Variants in TRRAP observed in about 807,000 individuals in gnomAD.
The protein encoded by TRRAP is transformation/transcription domain-associated protein.
Under a neutral mutation model 438.8 loss-of-function variants are expected in TRRAP, and 41 were observed. The observed-to-expected ratio is 0.09, with a 90% CI of 0.07 to 0.12. TRRAP has a LOEUF of 0.12. Ranked by LOEUF, TRRAP falls within the 10% of genes least tolerant of loss-of-function variation. The pLI, the probability that TRRAP is intolerant of heterozygous loss-of-function variation, is 1.00. For synonymous variants in TRRAP, 1,994 were observed against 1,962.9 expected (o/e 1.02, Z -0.42); for missense variants, 3,122 against 5,055.1 (o/e 0.62, Z 11.60).
chr7:98,950,730 G>C, intron 38 of TRRAP, 146 bp from the exon 39 acceptor site: 1 of 923,944 alleles, frequency 1.1e-6, no homozygotes, highest in Non-Finnish European at 1.5e-6. Context: ...GTTGCTCTTT[G>C]CATAGGAGTC....
At chr7:98,975,896 C>CT in intron 53 of TRRAP, 2 of 434,560 alleles carry the variant, frequency 4.6e-6, no homozygotes, top group Non-Finnish European at 8.1e-6. Flanking sequence ...CCCTTAAAAA[C>CT]TAAGGACAAA....
intron 19 of TRRAP, among the ~76,000 whole-genome samples, chr7:98,916,108 C>G (rs1011935138): frequency 1.3e-5 from 2 of 152,150 alleles, no homozygotes; most frequent in East Asian, 3.9e-4. Context: ...CTTCCCCTCC[C>G]TCCTCAGCAT....
At chr7:98,971,489 A>G (rs995470028) in intron 52 of TRRAP, among the ~76,000 whole-genome samples, 2 of 152,252 alleles carry the variant, frequency 1.3e-5, no homozygotes, top group Non-Finnish European at 2.9e-5. Context: ...ATGATAGACT[A>G]TGATTCCATT....
In TRRAP at chr7:99,003,611, C is replaced by T. The variant is rs185002556; in HGVS notation, c.10310-579C>T. Reference sequence around the variant, plus strand: ...GACGTTGCCTCAACGGCATTGTTCCCGGAAGGGCCTGTGGGGTTGGGGATG... The same window carrying T: ...GACGTTGCCTCAACGGCATTGTTCCTGGAAGGGCCTGTGGGGTTGGGGATG... On this transcript the variant is annotated intron_variant, in intron 67 of 72. Coordinates refer to ENST00000456197, the MANE Select transcript of TRRAP (RefSeq NM_001375524.1). 1.4e-3 allele frequency among the ~76,000 whole-genome samples: 215 copies of T among 152,292 alleles called. 1 individual carries two copies. The highest frequency in any genetic ancestry group is 4.9e-3 in the African/African-American group (205 of 41,570).
chr7:99,004,319 G>A lies in TRRAP; in HGVS notation c.10439G>A (p.Arg3480Gln), dbSNP rs1159588907. The change falls in exon 68 of 73, where the codon CGG (arginine) becomes CAG (glutamine). Residue 3480 changes from arginine (R) to glutamine (Q), a missense_variant. Physicochemically the swap from Arg to Gln is conservative, Grantham distance 43 (BLOSUM62 1). Around this residue, in one of 24 missense-constraint regions of TRRAP, gnomAD observed 107 missense variants for 327.5 expected, o/e 0.33. Transcript: ENST00000456197. Reference protein sequence around the residue: ...PKFFLIEEKCRFLSNFSAQTA... With the variant: ...PKFFLIEEKCQFLSNFSAQTA... The stretch of plus-strand genomic sequence containing the variant: ...TTCTTCCTCATAGAGGAAAAGTGCC[G>A]GTTCTTGAGCAATTTCTCGGCACAG... The A allele has an allele frequency of 6.2e-7, 1 of 1,614,100 alleles. No individual in the cohort carries two copies. The highest frequency in any genetic ancestry group is 1.3e-5 in the African/African-American group (1 of 74,924).
intron 51 of TRRAP, 140 bp downstream of exon 51, chr7:98,967,838 A>G (rs1792225215): frequency 1.3e-6 from 1 of 773,278 alleles, no homozygotes. Context: ...CTCCAGGAAG[A>G]AAATAAAGAC....
At chr7:99,002,336 T>A (rs1044590677) in intron 67 of TRRAP, among the ~76,000 whole-genome samples, 5 of 152,264 alleles carry the variant, frequency 3.3e-5, no homozygotes, top group Admixed American at 6.5e-5. Flanking sequence ...CTCTTTGGAC[T>A]GTGCCAATGT....
At chr7:98,953,539 C>A in intron 40 of TRRAP, 106 bp downstream of exon 40, 1 of 1,447,450 alleles carries the variant, frequency 6.9e-7, no homozygotes, top group Non-Finnish European at 9.2e-7. Context: ...CTCCCAAAAC[C>A]AATAAAAACC....
chr7:98,996,994 A>G (rs144777963), intron 67 of TRRAP, among the ~76,000 whole-genome samples: 92 of 152,182 alleles, frequency 6.0e-4, no homozygotes, highest in Non-Finnish European at 1.0e-3. Context: ...TCAATTTTCA[A>G]TGACAAAGTA....
At chr7:98,892,249 T>A (rs1554405023) in intron 4 of TRRAP, among the ~76,000 whole-genome samples, 175 bp from the exon 5 acceptor site, 1 of 152,208 alleles carries the variant, frequency 6.6e-6, no homozygotes, top group East Asian at 1.9e-4. Flanking sequence ...TTACTTTGGG[T>A]TACATTTAAG....
intron 6 of TRRAP, 86 bp downstream of exon 6, chr7:98,893,967 G>T: frequency 8.2e-7 from 1 of 1,224,476 alleles, no homozygotes; most frequent in Non-Finnish European, 1.2e-6. Flanking sequence ...AAAGTTGGCT[G>T]AACACATACT....
rs1488273336 is a variant in TRRAP at position 98,931,391 on chromosome 7, T to A, written c.3592-14T>A. 1 of 1,611,314 alleles carries A rather than the reference T, an allele frequency of 6.2e-7. No homozygotes were observed. Among genetic ancestry groups the A allele is most frequent in the Non-Finnish European group, 8.5e-7 (1 of 1,178,924 alleles). On this transcript the variant is annotated splice_polypyrimidine_tract_variant and intron_variant, in intron 25 of 72. Coordinates refer to ENST00000456197, the MANE Select transcript of TRRAP (RefSeq NM_001375524.1). ...ATCGCCCTGCTTTCATTCTAAGACA[T>A]CCCTGACTTGCAGGTTTCCAATGGG...
intron 52 of TRRAP, among the ~76,000 whole-genome samples, chr7:98,971,485 G>T (rs898096563): frequency 4.6e-5 from 7 of 152,212 alleles, no homozygotes; most frequent in Non-Finnish European, 8.8e-5. Context: ...AGTAATGATA[G>T]ACTATGATTC....
chr7:98,928,644 G>A (rs1228485524), intron 23 of TRRAP, among the ~76,000 whole-genome samples: 1 of 152,096 alleles, frequency 6.6e-6, no homozygotes, highest in Non-Finnish European at 1.5e-5. Flanking sequence ...GTTGCTTTTT[G>A]TTGTTGTATG....
intron 20 of TRRAP, among the ~76,000 whole-genome samples, chr7:98,919,844 C>T (rs1364410053): frequency 6.6e-6 from 1 of 152,174 alleles, no homozygotes; most frequent in Non-Finnish European, 1.5e-5. Flanking sequence ...GCCACAGGAA[C>T]CACCACAGGC....
chr7:98,946,252 A>G (rs1413156317), intron 33 of TRRAP, among the ~76,000 whole-genome samples: 1 of 147,716 alleles, frequency 6.8e-6, no homozygotes, highest in Non-Finnish European at 1.5e-5. Flanking sequence ...CTGAATACAC[A>G]TAGCTAGCAA....
At position 98,984,305 on chromosome 7, in the gene TRRAP, G is replaced by A; in HGVS notation, c.9235G>A (p.Val3079Ile). The A allele has an allele frequency of 6.2e-7, 1 of 1,606,884 alleles. No individual in the cohort carries two copies. Among genetic ancestry groups the A allele is most frequent in the Non-Finnish European group, 8.5e-7 (1 of 1,175,744 alleles). Residue 3079 changes from valine (V) to isoleucine (I), a missense_variant, in exon 61 of 73, where the codon GTT becomes ATT. Physicochemically the swap from Val to Ile is conservative, Grantham distance 29. Coordinates refer to ENST00000456197, the MANE Select transcript of TRRAP (RefSeq NM_001375524.1). ...TTGCTTCCAGAAGATTCGACAGCAA[G>A]TTAAATGCTACCTCCAGCTGGCAGG... ...VDCFQKIRQQ[V>I]KCYLQLAGVM... is the part of the protein sequence containing the mutation.
chr7:98,885,051 A>G (rs782354087), intron 3 of TRRAP, among the ~76,000 whole-genome samples: 1 of 152,122 alleles, frequency 6.6e-6, no homozygotes, highest in South Asian at 2.1e-4. Flanking sequence ...ACATATAAGC[A>G]TGAAACCCCA....
intron 62 of TRRAP, 135 bp downstream of exon 62, chr7:98,985,179 A>C: frequency 1.6e-6 from 1 of 606,456 alleles, no homozygotes; most frequent in Admixed American, 2.9e-5. Flanking sequence ...AGGATTTTTT[A>C]GGTACTGCAC....
Sources: gnomAD v4.1 joint callset for allele counts (sites outside exome capture counted in the v4.1 genomes callset) on GRCh38, gnomAD v4.1.1 for gene constraint, gnomAD v4.1.1 regional missense constraint, MANE v1.5 for transcripts, NCBI Gene and HGNC (gene_info 2026-07-23, HGNC 2026-07-21) for gene names.